Variants in FAT1 observed in about 807,000 individuals in gnomAD.
The protein encoded by FAT1 is protocadherin Fat 1.
FAT1 carries 171 observed loss-of-function variants against 329.8 expected under a neutral mutation model. The ratio of observed to expected loss-of-function variants is 0.52; its 90% CI spans 0.46 to 0.59. FAT1 has a LOEUF of 0.59. Ranked by LOEUF, FAT1 falls within the 20% of genes least tolerant of loss-of-function variation. The pLI is 0.00. For synonymous variants in FAT1, 2,233 were observed against 2,228.6 expected (o/e 1.00, Z -0.06); for missense variants, 5,672 against 5,774.4 (o/e 0.98, Z 0.57).
chr4:186,702,084 A>G (rs535262820), intron 2 of FAT1, among the ~76,000 whole-genome samples: 21 of 151,990 alleles, frequency 1.4e-4, no homozygotes, highest in Non-Finnish European at 2.8e-4. Context: ...ACCTCCACAC[A>G]GGTGACACAG....
intron 3 of FAT1, among the ~76,000 whole-genome samples, chr4:186,653,083 C>T (rs143208433): frequency 5.6e-4 from 86 of 152,236 alleles, no homozygotes; most frequent in African/African-American, 1.9e-3. Context: ...GAAATGGAAA[C>T]TGAGTAATTT....
chr4:186,593,164 C>A (rs1035269280), intron 26 of FAT1, among the ~76,000 whole-genome samples: 9 of 151,930 alleles, frequency 5.9e-5, no homozygotes, highest in African/African-American at 2.2e-4. Flanking sequence ...ACACATTGTC[C>A]CCCAAAAAAA....
At position 186,614,292 on chromosome 4, in the gene FAT1, A is replaced by G. The variant is rs900298438; in HGVS notation, c.9128T>C (p.Met3043Thr). 5.0e-6 allele frequency: 8 copies of G among 1,591,318 alleles called. No homozygotes were observed. The highest frequency in any genetic ancestry group is 1.4e-5 in the African/African-American group (1 of 73,646). Residue 3043 changes from methionine to threonine, a missense_variant, in exon 12 of 27, where the codon ATG becomes ACG. By Grantham distance (81) the Met-to-Thr change is moderately conservative (BLOSUM62 -1). Around this residue, in one of 2 missense-constraint regions of FAT1, gnomAD observed 3,966 missense variants for 3,915.2 expected, o/e 1.01. Coordinates refer to ENST00000441802, the MANE Select transcript of FAT1 (RefSeq NM_005245.4). Reference sequence around the variant, plus strand: ...GTCTGCGTCTGTAGCAGAGATCTGCATGATCAATTTTCCAGGAAGGACGTC... The same window carrying G: ...GTCTGCGTCTGTAGCAGAGATCTGCGTGATCAATTTTCCAGGAAGGACGTC... The part of the protein sequence containing the change: ...PEDVLPGKLI[M>T]QISATDADIR...
intron 2 of FAT1, among the ~76,000 whole-genome samples, chr4:186,686,699 T>C (rs751243432): frequency 2.0e-5 from 3 of 152,154 alleles, no homozygotes; most frequent in Non-Finnish European, 2.9e-5. Context: ...CATGAATTAA[T>C]AGCTGCCAAG....
chr4:186,619,799 C>T lies in FAT1; in HGVS notation c.6787G>A (p.Ala2263Thr), dbSNP rs750839835. 2.5e-6 allele frequency: 4 copies of T among 1,613,984 alleles called. No homozygotes were observed. Among genetic ancestry groups the T allele is most frequent in the East Asian group, 4.5e-5 (2 of 44,878 alleles). Reference protein sequence around the residue: ...SIRATDSLTGAHAEVFVDIIV... With the variant: ...SIRATDSLTGTHAEVFVDIIV... ...ATGTCCACAAATACTTCAGCATGAG[C>T]GCCCGTCAAGGAGTCAGTTGCGCGT... The change falls in exon 10 of 27, where the codon GCT (alanine) becomes ACT (threonine). Residue 2263 changes from alanine to threonine, a missense_variant. Physicochemically the swap from Ala to Thr is moderately conservative, Grantham distance 58. This residue lies in a region of FAT1 where 3,966 missense variants were observed against 3,915.2 expected (regional missense o/e 1.01). Transcript: ENST00000441802.
intron 4 of FAT1, among the ~76,000 whole-genome samples, chr4:186,637,389 G>A (rs1579366646): frequency 6.6e-6 from 1 of 152,240 alleles, no homozygotes; most frequent in Admixed American, 6.5e-5. Flanking sequence ...AGTAAAATAT[G>A]CTAAATTGTC....
intron 16 of FAT1, among the ~76,000 whole-genome samples, chr4:186,607,460 T>C (rs1477494733): frequency 4.0e-5 from 1 of 24,830 alleles, no homozygotes; most frequent in Non-Finnish European, 6.5e-5. Context: ...AGTGGATACA[T>C]GGGTGGGTGG....
rs2126516079 is a variant in FAT1 at position 186,620,481 on chromosome 4, A to T, written c.6105T>A (p.Thr2035=). 2 of 1,614,034 alleles carry T rather than the reference A, an allele frequency of 1.2e-6. No individual in the cohort carries two copies. The highest frequency in any genetic ancestry group is 2.2e-5 in the South Asian group (2 of 91,084). ...ISRTSGVLST[T]GTPFDREQQE... ...GCTGCTCACGATCGAAGGGCGTGCC[A>T]GTGGTTGACAGAACTCCTGAAGTGC... Residue 2035 remains threonine (T), a synonymous_variant, in exon 10 of 27, where the codon ACT becomes ACA. Coordinates refer to ENST00000441802, the MANE Select transcript of FAT1 (RefSeq NM_005245.4).
intron 3 of FAT1, among the ~76,000 whole-genome samples, chr4:186,643,788 T>TC (rs111521404): frequency 0.012 from 1,611 of 131,174 alleles, 28 homozygotes; most frequent in African/African-American, 0.041. Flanking sequence ...CTGCTCCTCA[T>TC]CCCCCCCCCA....
intron 2 of FAT1, among the ~76,000 whole-genome samples, chr4:186,691,958 T>G (rs2126660828): frequency 6.6e-6 from 1 of 152,338 alleles, no homozygotes; most frequent in Non-Finnish European, 1.5e-5. Flanking sequence ...ATGATTATTT[T>G]TATGTGGTTC....
Position 186,610,119 on chromosome 4 carries a change from C to T in FAT1, c.9854-104G>A, listed in dbSNP as rs1579314144. On this transcript the variant is annotated intron_variant, in intron 14 of 26. Coordinates refer to ENST00000441802, the MANE Select transcript of FAT1 (RefSeq NM_005245.4). Reference sequence around the variant, plus strand: ...TTTTGAGTACATTTAGTTTTCACTTCAAAAGTTTACTTACCATTTACGTAT... The same window carrying T: ...TTTTGAGTACATTTAGTTTTCACTTTAAAAGTTTACTTACCATTTACGTAT... 8 of 659,810 alleles carry T rather than the reference C, an allele frequency of 1.2e-5. No individual in the cohort carries two copies. In the East Asian group the frequency reaches 2.2e-4, roughly 18 times the overall value. The allele number at this position is 659,810 out of a possible 1,614,324, so 40.9% of individuals were successfully genotyped here. A position where few individuals can be genotyped will look rare whatever the true frequency, so the allele number is the denominator to read the frequency against.
chr4:186,722,732 A>G (rs1745516835), intron 1 of FAT1, among the ~76,000 whole-genome samples: 1 of 152,232 alleles, frequency 6.6e-6, no homozygotes, highest in Non-Finnish European at 1.5e-5. Flanking sequence ...ACGAAGCATT[A>G]AGAATCTGCT....
chr4:186,634,644 G>A (rs967638646), intron 6 of FAT1, among the ~76,000 whole-genome samples: 1 of 146,170 alleles, frequency 6.8e-6, no homozygotes, highest in African/African-American at 2.5e-5. Flanking sequence ...ATAGTCACTG[G>A]AAATAAAAAA....
At chr4:186,662,739 AAT>A (rs1230457692) in intron 3 of FAT1, among the ~76,000 whole-genome samples, 4 of 152,340 alleles carry the variant, frequency 2.6e-5, no homozygotes, top group Middle Eastern at 6.8e-3. Context: ...CTGAAATAAC[AAT>A]GTTTGCTTTT....
intron 2 of FAT1, among the ~76,000 whole-genome samples, chr4:186,681,515 A>G (rs913182634): frequency 1.3e-5 from 2 of 152,202 alleles, no homozygotes; most frequent in African/African-American, 4.8e-5. Flanking sequence ...GAGAACTTAG[A>G]ATCACTTATT....
intron 2 of FAT1, among the ~76,000 whole-genome samples, chr4:186,666,494 C>T (rs2126624521): frequency 6.6e-6 from 1 of 152,316 alleles, no homozygotes; most frequent in Admixed American, 6.5e-5. Context: ...TACACAACTC[C>T]TCCTGTGTGC....
intron 3 of FAT1, among the ~76,000 whole-genome samples, chr4:186,660,621 G>A (rs530692721): frequency 5.3e-5 from 8 of 152,310 alleles, no homozygotes; most frequent in South Asian, 2.1e-4. Flanking sequence ...TGCTCCCGCC[G>A]GGGCTGGGGT....
At chr4:186,598,200 T>C in intron 22 of FAT1, 75 bp from the exon 23 acceptor site, 2 of 1,333,288 alleles carry the variant, frequency 1.5e-6, no homozygotes, top group Non-Finnish European at 2.0e-6. Context: ...ATATTGCTTT[T>C]TATCTTTATT....
chr4:186,696,698 G>A (rs1049366906), intron 2 of FAT1, among the ~76,000 whole-genome samples: 1 of 152,174 alleles, frequency 6.6e-6, no homozygotes, highest in Non-Finnish European at 1.5e-5. Flanking sequence ...ATTTTCCATA[G>A]AGGTCAAAGA....
Sources: gnomAD v4.1 joint callset for allele counts (sites outside exome capture counted in the v4.1 genomes callset) on GRCh38, gnomAD v4.1.1 for gene constraint, gnomAD v4.1.1 regional missense constraint, MANE v1.5 for transcripts, NCBI Gene and HGNC (gene_info 2026-07-23, HGNC 2026-07-21) for gene names.